Variants in ELP2 observed in about 807,000 individuals in gnomAD.
The protein encoded by ELP2 is elongator acetyltransferase complex subunit 2.
ELP2 carries 90 observed loss-of-function variants against 119.2 expected under a neutral mutation model. The ratio of observed to expected loss-of-function variants is 0.75; its 90% confidence interval spans 0.64 to 0.90. The LOEUF (loss-of-function observed/expected upper bound fraction) is 0.90, where lower values mean the gene tolerates loss of function less well. Among genes scored for constraint, ELP2 ranks in the 40% least tolerant of loss-of-function variants. The probability of loss-of-function intolerance (pLI) is 0.00; values close to 1 mark genes in which losing one functional copy is unlikely to be tolerated. For missense variants in ELP2, 921 were observed against 967.8 expected (o/e 0.95, Z 0.64); for synonymous variants, 339 against 331.0 (o/e 1.02, Z -0.26).
chr18:36,174,504 A>G lies in ELP2; in HGVS notation c.2344A>G (p.Ile782Val), dbSNP rs748677134. Residue 782 changes from isoleucine (I) to valine (V), a missense_variant, in exon 22 of 22, where the codon ATC becomes GTC. Ile to Val is a conservative substitution (Grantham distance 29). Coordinates refer to ENST00000358232, the MANE Select transcript of ELP2 (RefSeq NM_018255.4). Reference sequence around the variant, plus strand: ...TTTTAGCCAAAGTCATACACTGGCTATCAGAAAATTATGCTGGAAGAATTG... The same window carrying G: ...TTTTAGCCAAAGTCATACACTGGCTGTCAGAAAATTATGCTGGAAGAATTG... The part of the protein sequence containing the change: ...TSQSQSHTLA[I>V]RKLCWKNCSG... 1.1e-5 allele frequency: 18 copies of G among 1,614,000 alleles called. No homozygotes were observed. The highest frequency in any genetic ancestry group is 1.5e-5 in the Non-Finnish European group (18 of 1,179,986).
At chr18:36,136,422 T>C in intron 3 of ELP2, 45 bp downstream of exon 3, 1 of 1,502,902 alleles carries the variant, frequency 6.7e-7, no homozygotes. Flanking sequence ...TTTTTGTTCA[T>C]TTGTTTTTTA....
intron 11 of ELP2, among the ~76,000 whole-genome samples, chr18:36,148,308 G>A (rs1219932543): frequency 1.1e-4 from 16 of 151,946 alleles, no homozygotes; most frequent in Non-Finnish European, 1.0e-4. Flanking sequence ...TTAGCACCTC[G>A]TGATCTGCCC....
At position 36,177,748 on chromosome 18, in the gene ELP2, G is replaced by A. The variant is rs781690479; in HGVS notation, c.*3107G>A. ...AGTGCTCCAAAGTAAGATATATTTG[G>A]GAAACACAGGGATAACTAAGGTTAG... On this transcript the variant is annotated 3_prime_UTR_variant, in exon 22 of 22. Coordinates refer to ENST00000358232, the MANE Select transcript of ELP2 (RefSeq NM_018255.4). The A allele has an allele frequency of 6.6e-6, 1 of 152,050 alleles. No individual in the cohort carries two copies. The highest frequency in any genetic ancestry group is 1.9e-4 in the East Asian group (1 of 5,196). The allele number at this position is 152,050 out of a possible 1,614,324, so 9.4% of individuals were successfully genotyped here.
chr18:36,136,259 T>C (rs749652917), intron 2 of ELP2, 48 bp from the exon 3 acceptor site: 5 of 1,445,036 alleles, frequency 3.5e-6, no homozygotes, highest in Middle Eastern at 1.8e-4. Context: ...TTTTAAAAAT[T>C]GCAGAAAAAA....
At chr18:36,162,740 CT>C (rs2090777053) in intron 17 of ELP2, among the ~76,000 whole-genome samples, 1 of 152,152 alleles carries the variant, frequency 6.6e-6, no homozygotes, top group East Asian at 1.9e-4. Context: ...GTCTTTTTAA[CT>C]TTAACCGTTC....
chr18:36,167,520 A>G (rs1226233194), intron 19 of ELP2, among the ~76,000 whole-genome samples: 1 of 152,232 alleles, frequency 6.6e-6, no homozygotes, highest in Non-Finnish European at 1.5e-5. Context: ...CCAAGAAACT[A>G]GGAGGGCAGC....
chr18:36,131,365 G>A (rs765771362), intron 1 of ELP2, among the ~76,000 whole-genome samples: 7 of 152,252 alleles, frequency 4.6e-5, no homozygotes, highest in Non-Finnish European at 5.9e-5. Flanking sequence ...AGGACCGACT[G>A]TAGAATGGGA....
At chr18:36,161,455 T>C (rs1324066467) in intron 17 of ELP2, among the ~76,000 whole-genome samples, 2 of 152,160 alleles carry the variant, frequency 1.3e-5, no homozygotes, top group Admixed American at 6.5e-5. Flanking sequence ...ATTGGAGTCA[T>C]AGAGACACAG....
chr18:36,130,887 G>C (rs2089591879), intron 1 of ELP2, among the ~76,000 whole-genome samples: 1 of 152,108 alleles, frequency 6.6e-6, no homozygotes, highest in South Asian at 2.1e-4. Context: ...TTTCATTATT[G>C]GCCAGGAGCG....
At chr18:36,133,504 C>G (rs1173981311) in intron 2 of ELP2, among the ~76,000 whole-genome samples, 188 bp downstream of exon 2, 4 of 152,122 alleles carry the variant, frequency 2.6e-5, no homozygotes, top group Non-Finnish European at 5.9e-5. Flanking sequence ...GCAGTTGAAG[C>G]TTGGATTATA....
In ELP2 at chr18:36,177,926, C is replaced by T. The variant is rs2091262472; in HGVS notation, c.*3285C>T. On this transcript the variant is annotated 3_prime_UTR_variant, in exon 22 of 22. Coordinates refer to ENST00000358232, the MANE Select transcript of ELP2 (RefSeq NM_018255.4). ...AAATAAAATGTTAATGGTAGAAACT[C>T]CTTAAGGGGTGTTCACTGTACAATT... 6.6e-6 allele frequency: 1 copy of T among 152,160 alleles called. No homozygotes were observed. The highest frequency in any genetic ancestry group is 2.4e-5 in the African/African-American group (1 of 41,428). The allele number at this position is 152,160 out of a possible 1,614,324, so 9.4% of individuals were successfully genotyped here.
At position 36,141,129 on chromosome 18, in the gene ELP2, T is replaced by G; in HGVS notation, c.524-8T>G. ...ACTCACAGTGAAGCCTGTTTTTTCTTCCCCCAGTACCAATATTAGCATGTG... is the reference window on the plus strand; with the variant it reads ...ACTCACAGTGAAGCCTGTTTTTTCTGCCCCCAGTACCAATATTAGCATGTG... On this transcript the variant is annotated splice_polypyrimidine_tract_variant and splice_region_variant and intron_variant, in intron 5 of 21. Coordinates refer to ENST00000358232, the MANE Select transcript of ELP2 (RefSeq NM_018255.4). 1 of 1,612,778 alleles carries G rather than the reference T, an allele frequency of 6.2e-7. No homozygotes were observed. Among genetic ancestry groups the G allele is most frequent in the Non-Finnish European group, 8.5e-7 (1 of 1,178,874 alleles).
intron 3 of ELP2, chr18:36,136,721 T>A (rs1289875522): frequency 3.7e-6 from 1 of 267,328 alleles, no homozygotes; most frequent in Non-Finnish European, 7.3e-6. Flanking sequence ...TCTTTTATAC[T>A]ACACAGGCCC....
intron 14 of ELP2, 32 bp from the exon 15 acceptor site, chr18:36,159,703 G>T: frequency 6.7e-7 from 1 of 1,489,378 alleles, no homozygotes; most frequent in South Asian, 1.1e-5. Context: ...TAAAAATAGT[G>T]ACTATATTCT....
intron 5 of ELP2, 65 bp from the exon 6 acceptor site, chr18:36,141,072 A>C: frequency 7.8e-7 from 1 of 1,275,658 alleles, no homozygotes; most frequent in South Asian, 1.2e-5. Flanking sequence ...AATCCAGTAC[A>C]GTTGATAAAT....
chr18:36,168,848 T>G (rs563671785), intron 19 of ELP2, among the ~76,000 whole-genome samples: 105 of 151,486 alleles, frequency 6.9e-4, no homozygotes, highest in African/African-American at 2.4e-3. Context: ...CAAAGCCTTC[T>G]GCTCAGTATC....
rs1453381945 is a variant in ELP2, at chr18:36,142,834, C to A, written c.664C>A (p.Leu222Ile). The A allele has an allele frequency of 3.7e-6, 6 of 1,601,082 alleles. No homozygotes were observed. The highest frequency in any genetic ancestry group is 4.3e-6 in the Non-Finnish European group (5 of 1,170,428). ...ACTTATTTTTTAATTAGGTAGAGATCTTTTCCTAGCAAGCTGTTCACAAGA... is the reference window on the plus strand; with the variant it reads ...ACTTATTTTTTAATTAGGTAGAGATATTTTCCTAGCAAGCTGTTCACAAGA... ...GVEWAAFGRD[L>I]FLASCSQDCL... Residue 222 changes from leucine (L) to isoleucine (I), a missense_variant, in exon 8 of 22, where the codon CTT (leucine) becomes ATT (isoleucine). Leu to Ile is a conservative substitution (Grantham distance 5). Coordinates refer to ENST00000358232, the MANE Select transcript of ELP2 (RefSeq NM_018255.4).
chr18:36,159,348 G>A (rs1454934499), intron 14 of ELP2, among the ~76,000 whole-genome samples: 1 of 152,086 alleles, frequency 6.6e-6, no homozygotes, highest in African/African-American at 2.4e-5. Flanking sequence ...CCTGACCTCA[G>A]GTGATCCACC....
chr18:36,133,124 AT>A (rs1249581933), intron 1 of ELP2, 113 bp from the exon 2 acceptor site: 1 of 751,004 alleles, frequency 1.3e-6, no homozygotes, highest in Non-Finnish European at 2.3e-6. Flanking sequence ...AATCTGTTTG[AT>A]GTAAACCTGA....
Sources: gnomAD v4.1 joint callset for allele counts (sites outside exome capture counted in the v4.1 genomes callset) on GRCh38, gnomAD v4.1.1 for gene constraint, MANE v1.5 for transcripts, NCBI Gene and HGNC (gene_info 2026-07-23, HGNC 2026-07-21) for gene names.